The following KANSL1 variants were observed in gnomAD, a reference collection of about 807,000 sequenced individuals.
The protein encoded by KANSL1 is KAT8 regulatory NSL complex subunit 1.
In KANSL1, 22 loss-of-function variants were observed where a neutral mutation model predicts 103.6. The ratio of observed to expected loss-of-function variants is 0.21; its 90% CI spans 0.15 to 0.30. The LOEUF (loss-of-function observed/expected upper bound fraction) is 0.30, where lower values mean the gene tolerates loss of function less well. Ranked by LOEUF, KANSL1 falls within the 10% of genes least tolerant of loss-of-function variation. The pLI, the probability that KANSL1 is intolerant of heterozygous loss-of-function variation, is 1.00. For synonymous variants in KANSL1, 600 were observed against 527.6 expected, an observed-to-expected ratio of 1.14 and a Z score of -1.88; for missense variants, 1,337 against 1,399.8, an observed-to-expected ratio of 0.96 and a Z score of 0.72.
chr17:46,200,419 C>A (rs1002878058), intron 1 of KANSL1, among the ~76,000 whole-genome samples: 2 of 152,310 alleles, frequency 1.3e-5, no homozygotes, highest in African/African-American at 4.8e-5. Flanking sequence ...AAGGAGGCAG[C>A]AGGTGTACAA....
intron 2 of KANSL1, chr17:46,119,970 C>T (rs1214966909): frequency 1.3e-5 from 2 of 152,250 alleles, no homozygotes; most frequent in Non-Finnish European, 2.9e-5. Flanking sequence ...TTACCTACCT[C>T]TTGGATCCAT....
intron 2 of KANSL1, among the ~76,000 whole-genome samples, chr17:46,135,742 A>G (rs1292049191): frequency 6.0e-5 from 7 of 116,234 alleles, no homozygotes; most frequent in African/African-American, 2.5e-4. Context: ...GGGGCCTGCT[A>G]TGTTGCCCAG....
chr17:46,187,998 T>G (rs2047110479), intron 1 of KANSL1, among the ~76,000 whole-genome samples: 1 of 152,218 alleles, frequency 6.6e-6, no homozygotes, highest in Non-Finnish European at 1.5e-5. Context: ...CTTTTTGGAG[T>G]CCAAGTATTT....
chr17:46,053,057 G>A (rs897691222), intron 6 of KANSL1, among the ~76,000 whole-genome samples: 2 of 149,996 alleles, frequency 1.3e-5, no homozygotes, highest in Admixed American at 6.7e-5. Flanking sequence ...GGAGGCCAAG[G>A]TGGGTGGATA....
intron 2 of KANSL1, among the ~76,000 whole-genome samples, chr17:46,135,276 A>AC (rs2044070801): frequency 6.6e-6 from 1 of 152,090 alleles, no homozygotes; most frequent in African/African-American, 2.4e-5. Context: ...ATAAAAAAAA[A>AC]AAGAACAGCT....
At chr17:46,047,830 C>A (rs548902108) in intron 7 of KANSL1, among the ~76,000 whole-genome samples, 9 of 139,544 alleles carry the variant, frequency 6.4e-5, no homozygotes, top group Non-Finnish European at 9.7e-5. Flanking sequence ...AAAAAAAAAA[C>A]TTACAGACTA....
chr17:46,197,826 C>T (rs534441329), upstream of KANSL1, among the ~76,000 whole-genome samples: 2 of 152,308 alleles, frequency 1.3e-5, no homozygotes, highest in East Asian at 3.9e-4. Context: ...AGATAATAAA[C>T]GTATTCCAAA....
At chr17:46,113,575 T>C (rs984137707) in intron 2 of KANSL1, among the ~76,000 whole-genome samples, 9 of 151,962 alleles carry the variant, frequency 5.9e-5, no homozygotes, top group Non-Finnish European at 1.2e-4. Context: ...TAGATCATGC[T>C]CAAAGAAAGT....
At chr17:46,128,196 T>C (rs1598699349) in intron 2 of KANSL1, among the ~76,000 whole-genome samples, 1 of 152,114 alleles carries the variant, frequency 6.6e-6, no homozygotes. Context: ...CTCTAGTAAA[T>C]AGACTCAAAG....
chr17:46,059,646 A>AC (rs1471504071), intron 6 of KANSL1, among the ~76,000 whole-genome samples: 6 of 64,484 alleles, frequency 9.3e-5, no homozygotes, highest in African/African-American at 2.4e-4. Flanking sequence ...AAAAAAAAAA[A>AC]AAGAGAGAGA....
At chr17:46,071,242 C>G (rs559828355) in intron 4 of KANSL1, among the ~76,000 whole-genome samples, 1 of 152,200 alleles carries the variant, frequency 6.6e-6, no homozygotes, top group Non-Finnish European at 1.5e-5. Context: ...TAGAGGTATA[C>G]AGAGGTCAAG....
intron 2 of KANSL1, among the ~76,000 whole-genome samples, chr17:46,168,589 C>A (rs906782692): frequency 1.3e-5 from 2 of 152,162 alleles, no homozygotes; most frequent in Non-Finnish European, 2.9e-5. Flanking sequence ...TCAAGTGATC[C>A]GCCCGCCTCA....
chr17:46,179,163 T>C (rs1212807420), intron 1 of KANSL1, among the ~76,000 whole-genome samples: 1 of 152,180 alleles, frequency 6.6e-6, no homozygotes, highest in East Asian at 1.9e-4. Context: ...ACATGTCAAA[T>C]ATGGGAGCTG....
At chr17:46,200,872 C>G (rs1000626241) in intron 1 of KANSL1, among the ~76,000 whole-genome samples, 1 of 152,020 alleles carries the variant, frequency 6.6e-6, no homozygotes, top group Non-Finnish European at 1.5e-5. Context: ...CCTGTTTCCT[C>G]CAATGAAGCA....
chr17:46,156,652 T>G (rs2045445232), intron 2 of KANSL1: 1 of 152,410 alleles, frequency 6.6e-6, no homozygotes, highest in Non-Finnish European at 1.5e-5. Context: ...ATGATGCCTA[T>G]TCTGGTCTAG....
rs1258134655 is a variant in KANSL1 at position 46,062,117 on chromosome 17, AC to A, written c.1848+4419del. Among the ~76,000 whole-genome samples the A allele has an allele frequency of 1.3e-3, 87 of 64,638 alleles. 1 individual carries two copies. Among genetic ancestry groups the A allele is most frequent in the Non-Finnish European group, 2.0e-3 (59 of 29,244 alleles). The allele number at this position is 64,638 out of a possible 152,430, so 42.4% of individuals were successfully genotyped here. On this transcript the variant is annotated intron_variant, in intron 6 of 14. Coordinates refer to ENST00000432791, the MANE Select transcript of KANSL1 (RefSeq NM_015443.4). Reference sequence around the variant, plus strand: ...AAAAAAAAAAAAAAAAAACAAACAAACAAAAAAAAAAAAAAAACATGTTACA... The same window carrying A: ...AAAAAAAAAAAAAAAAAACAAACAAAAAAAAAAAAAAAAAAACATGTTACA...
intron 1 of KANSL1, among the ~76,000 whole-genome samples, chr17:46,183,919 C>T (rs956192576): frequency 6.6e-6 from 1 of 152,100 alleles, no homozygotes; most frequent in Non-Finnish European, 1.5e-5. Context: ...TCCAAAAAAA[C>T]AAAAAGAAAG....
At chr17:46,091,202 C>A (rs1568437107) in intron 3 of KANSL1, among the ~76,000 whole-genome samples, 1 of 151,926 alleles carries the variant, frequency 6.6e-6, no homozygotes, top group South Asian at 2.1e-4. Flanking sequence ...TAGTTTTTAG[C>A]AAAACAGTTT....
In KANSL1 at chr17:46,220,245, C is replaced by A. The variant is rs1376833151; in HGVS notation, c.-90+3426G>T. On this transcript the variant is annotated intron_variant, in intron 1 of 14. Transcript: ENST00000572904. ...TTTTTTTTTTTTTTTGAGACGGAGT[C>A]TCCCTCTGTCGCCCAGACTGGAGTG... Among the ~76,000 whole-genome samples, 7 of 148,088 alleles carry A rather than the reference C, an allele frequency of 4.7e-5. No individual in the cohort carries two copies. The East Asian group carries it at 1.2e-3, about 25-fold the overall frequency.
Sources: gnomAD v4.1 joint callset for allele counts (sites outside exome capture counted in the v4.1 genomes callset) on GRCh38, gnomAD v4.1.1 for gene constraint, MANE v1.5 for transcripts, NCBI Gene and HGNC (gene_info 2026-07-23, HGNC 2026-07-21) for gene names.